The following ACTR3C variants were observed in gnomAD, a reference collection of about 807,000 sequenced individuals.
ACTR3C encodes actin-related protein 3C.
In ACTR3C, 18 loss-of-function variants were observed where a neutral mutation model predicts 26.3. The observed-to-expected ratio is 0.68, with a 90% CI of 0.47 to 1.01. ACTR3C has a LOEUF of 1.01. ACTR3C is among the 50% of genes least tolerant of loss of function. ACTR3C has a pLI of 0.00. For missense variants in ACTR3C, 184 were observed against 250.7 expected (o/e 0.73, Z 1.80); for synonymous variants, 55 against 94.5 (o/e 0.58, Z 2.42).
At chr7:149,974,507 C>T in the ACTR3C span, among the ~76,000 whole-genome samples, 2 of 152,260 alleles carry the variant, frequency 1.3e-5, no homozygotes, top group East Asian at 1.9e-4. Flanking sequence ...CCTCAGTACC[C>T]GAAATTCTTT....
At chr7:149,911,870 C>G in the ACTR3C span, among the ~76,000 whole-genome samples, 1 of 151,964 alleles carries the variant, frequency 6.6e-6, no homozygotes, top group African/African-American at 2.4e-5. Flanking sequence ...GTTACTTTAC[C>G]TATCTGTATG....
chr7:150,008,714 G>A, the ACTR3C span, among the ~76,000 whole-genome samples: 2 of 150,732 alleles, frequency 1.3e-5, no homozygotes, highest in South Asian at 2.1e-4. Context: ...TAACCTGTAA[G>A]ACCTTTGCAC....
the ACTR3C span, among the ~76,000 whole-genome samples, chr7:150,086,875 A>G: frequency 6.6e-6 from 1 of 152,190 alleles, no homozygotes; most frequent in Non-Finnish European, 1.5e-5. Context: ...TGAATTTCCT[A>G]AACAAATAGA....
the ACTR3C span, among the ~76,000 whole-genome samples, chr7:150,087,255 A>G: frequency 2.0e-5 from 3 of 151,712 alleles, no homozygotes; most frequent in East Asian, 5.8e-4. Context: ...AGTTTTGTTA[A>G]TTTTATTATT....
intron 4 of ACTR3C, among the ~76,000 whole-genome samples, chr7:150,287,260 A>G (rs1835858156): frequency 6.6e-6 from 1 of 151,984 alleles, no homozygotes; most frequent in South Asian, 2.1e-4. Flanking sequence ...AGAAAACAAT[A>G]AGCAACCATA....
the ACTR3C span, among the ~76,000 whole-genome samples, chr7:150,083,227 T>C: frequency 6.6e-6 from 1 of 151,742 alleles, no homozygotes; most frequent in East Asian, 2.0e-4. Flanking sequence ...ATTATAAGTG[T>C]GAGCCACCAT....
intron 1 of ACTR3C, among the ~76,000 whole-genome samples, chr7:150,318,032 T>C (rs1215765694): frequency 3.3e-5 from 5 of 152,176 alleles, no homozygotes; most frequent in Non-Finnish European, 7.4e-5. Context: ...AATGGGGATT[T>C]CCTCTCAATG....
chr7:149,976,575 G>GA, the ACTR3C span, among the ~76,000 whole-genome samples: 53,883 of 109,724 alleles, frequency 0.49, 11,278 homozygotes, highest in Middle Eastern at 0.52. Context: ...CTCTGTCTCA[G>GA]AAAAAAAAAA....
intron 1 of ACTR3C, among the ~76,000 whole-genome samples, chr7:150,308,038 A>C (rs1795946295): frequency 6.6e-6 from 1 of 152,178 alleles, no homozygotes; most frequent in Non-Finnish European, 1.5e-5. Flanking sequence ...TCGGGAAGAC[A>C]GTCTTTCCTT....
chr7:149,931,356 CCT>C, the ACTR3C span, among the ~76,000 whole-genome samples: 1 of 152,228 alleles, frequency 6.6e-6, no homozygotes, highest in Non-Finnish European at 1.5e-5. Context: ...TTCATCCTCC[CCT>C]CTTATGATGC....
Position 150,293,370 on chromosome 7 carries a change from C to G in ACTR3C, c.95G>C (p.Arg32Pro), listed in dbSNP as rs369341413. Reference sequence around the variant, plus strand: ...GTCAATGACTATCCCCGTTAATGTACGTTCACCCACTTGTCGAGATGTCCA... The same window carrying G: ...GTCAATGACTATCCCCGTTAATGTAGGTTCACCCACTTGTCGAGATGTCCA... The part of the protein sequence containing the change: ...ASWTSRQVGE[R>P]TLTGIVIDSG... Residue 32 changes from arginine (R) to proline (P), a missense_variant, in exon 3 of 8, where the codon CGT (arginine) becomes CCT (proline). Physicochemically the swap from Arg to Pro is moderately radical, Grantham distance 103. Coordinates refer to ENST00000683684, the MANE Select transcript of ACTR3C (RefSeq NM_001164458.2). 3.7e-6 allele frequency: 6 copies of G among 1,608,306 alleles called. No homozygotes were observed. The highest frequency in any genetic ancestry group is 2.2e-5 in the East Asian group (1 of 44,830).
the ACTR3C span, among the ~76,000 whole-genome samples, chr7:150,230,072 A>C: frequency 6.6e-6 from 1 of 150,588 alleles, no homozygotes; most frequent in Admixed American, 6.6e-5. Context: ...TAAAAATACA[A>C]AAATAAGCCA....
the ACTR3C span, among the ~76,000 whole-genome samples, chr7:150,036,467 C>T: frequency 5.5e-5 from 8 of 145,614 alleles, 1 homozygote; most frequent in Non-Finnish European, 1.3e-4. Flanking sequence ...GATCGGGTAG[C>T]CCCAGGGCTG....
At chr7:150,188,448 T>G in the ACTR3C span, among the ~76,000 whole-genome samples, 1 of 151,606 alleles carries the variant, frequency 6.6e-6, no homozygotes, top group Non-Finnish European at 1.5e-5. Flanking sequence ...GTGTGCACAG[T>G]CTGTAGTTCT....
chr7:150,204,264 G>A, the ACTR3C span, among the ~76,000 whole-genome samples: 45 of 144,400 alleles, frequency 3.1e-4, no homozygotes, highest in Middle Eastern at 0.01. Flanking sequence ...CCCATGTGAA[G>A]AGAGGGGACT....
the ACTR3C span, among the ~76,000 whole-genome samples, chr7:150,195,123 G>GTA: frequency 0.22 from 29,239 of 133,248 alleles, 3,001 homozygotes; most frequent in Non-Finnish European, 0.24. Flanking sequence ...ATATATATAT[G>GTA]TATATATATA....
the ACTR3C span, among the ~76,000 whole-genome samples, chr7:150,229,425 A>G: frequency 2.0e-5 from 3 of 151,940 alleles, no homozygotes; most frequent in Admixed American, 6.6e-5. Flanking sequence ...CTTTCTCCAC[A>G]TCTATTGGTA....
chr7:150,252,574 T>TC (rs1430584024), intron 6 of ACTR3C, among the ~76,000 whole-genome samples: 1 of 152,214 alleles, frequency 6.6e-6, no homozygotes, highest in East Asian at 1.9e-4. Context: ...AAAGAGTAGA[T>TC]TTATACTATA....
chr7:150,223,276 C>T, the ACTR3C span, among the ~76,000 whole-genome samples: 2 of 152,026 alleles, frequency 1.3e-5, no homozygotes, highest in South Asian at 2.1e-4. Context: ...AAATAATATT[C>T]TATTGTATGG....
Sources: allele counts gnomAD v4.1 joint callset (sites outside exome capture counted in the v4.1 genomes callset), GRCh38; gene constraint gnomAD v4.1.1; transcripts MANE v1.5; gene names NCBI Gene and HGNC (gene_info 2026-07-23, HGNC 2026-07-21).